Variants in NCL observed in about 807,000 individuals in gnomAD.
NCL encodes the protein nucleolin multifunctional protein.
In NCL, 4 loss-of-function variants were observed where a neutral mutation model predicts 77.7. The ratio of observed to expected loss-of-function variants is 0.05; its 90% confidence interval spans 0.03 to 0.12. NCL has a LOEUF of 0.12. Ranked by LOEUF, NCL falls within the 10% of genes least tolerant of loss-of-function variation. The pLI, the probability that NCL is intolerant of heterozygous loss-of-function variation, is 1.00. For missense variants in NCL, 763 were observed against 860.9 expected (o/e 0.89, Z 1.42); for synonymous variants, 344 against 297.8 (o/e 1.16, Z -1.60).
At position 231,454,846 on chromosome 2, in the gene NCL, C is replaced by CAAAAAAAAAAAAAAAAAAAAAAAAAAAA. The variant is rs201409564; in HGVS notation, c.*344_*345insTTTTTTTTTTTTTTTTTTTTTTTTTTTT. 6.2e-5 allele frequency: 6 copies of CAAAAAAAAAAAAAAAAAAAAAAAAAAAA among 96,324 alleles called. No individual in the cohort carries two copies. The highest frequency in any genetic ancestry group is 1.4e-4 in the Non-Finnish European group (6 of 44,120). The allele number at this position is 96,324 out of a possible 1,614,324, so 6.0% of individuals were successfully genotyped here. A position where few individuals can be genotyped will look rare whatever the true frequency, so the allele number is the denominator to read the frequency against. On this transcript the variant is annotated 3_prime_UTR_variant, in exon 14 of 14. Transcript: ENST00000322723. ...CTTTTCTTTTACAACCCCACGAACGCAAAAAAAAAAAAAACAAAAACAAAA... is the reference window on the plus strand; with the variant it reads ...CTTTTCTTTTACAACCCCACGAACGCAAAAAAAAAAAAAAAAAAAAAAAAAAAAAAAAAAAAAAAAAACAAAAACAAAA...
intron 3 of NCL, 38 bp downstream of exon 3, chr2:231,461,502 T>C (rs1559542424): frequency 1.3e-6 from 2 of 1,597,682 alleles, no homozygotes; most frequent in Non-Finnish European, 8.5e-7. Context: ...AGATACCTTG[T>C]AATCAGAAGC....
chr2:231,462,080 T>G, intron 2 of NCL, 63 bp from the exon 3 acceptor site: 4 of 1,571,092 alleles, frequency 2.5e-6, no homozygotes, highest in Non-Finnish European at 3.5e-6. Context: ...ATAACCATGG[T>G]CCCAATGAGA....
chr2:231,460,186 G>C lies in NCL; in HGVS notation c.1006C>G (p.Leu336Val). Reference protein sequence around the residue: ...GISDVFAKNDLAVVDVRIGMT... With the variant: ...GISDVFAKNDVAVVDVRIGMT... ...CCAATTCTGACATCCACAACAGCAA[G>C]ATCATTTTTAGCAAAAACATCGCTG... Residue 336 changes from leucine (L) to valine (V), a missense_variant, in exon 6 of 14, where the codon CTT becomes GTT. Coordinates refer to ENST00000322723, the MANE Select transcript of NCL (RefSeq NM_005381.3). 6.2e-7 allele frequency: 1 copy of C among 1,613,930 alleles called. No individual in the cohort carries two copies. The highest frequency in any genetic ancestry group is 8.5e-7 in the Non-Finnish European group (1 of 1,180,010).
At position 231,462,132 on chromosome 2, in the gene NCL, C is replaced by G. The variant is rs1225195804; in HGVS notation, c.136-115G>C. On this transcript the variant is annotated intron_variant, in intron 2 of 13. Transcript: ENST00000322723. ...TGCCTCTGGTTCAAGACCACATGCA[C>G]TAGACACATTAGCATGTTAAACTCC... The G allele has an allele frequency of 3.1e-6, 4 of 1,284,222 alleles. No homozygotes were observed. The Admixed American group carries it at 6.7e-5, about 22-fold the overall frequency. The allele number at this position is 1,284,222 out of a possible 1,614,324, so 79.6% of individuals were successfully genotyped here.
Position 231,458,269 on chromosome 2 carries a change from T to C in NCL, c.1286A>G (p.Lys429Arg), listed in dbSNP as rs765572421. Residue 429 changes from lysine (K) to arginine (R), a missense_variant, in exon 8 of 14, where the codon AAA becomes AGA. Physicochemically the swap from Lys to Arg is conservative, Grantham distance 26. Transcript: ENST00000322723. ...CATTTCAATAGACAGAACATACCCT[T>C]TACTTTTCCCATCCTTGCTGACTAA... The part of the protein sequence containing the change: ...IRLVSKDGKS[K>R]GIAYIEFKTE... The C allele has an allele frequency of 8.7e-6, 14 of 1,613,556 alleles. No homozygotes were observed. The African/African-American group carries it at 1.9e-4, about 22-fold the overall frequency.
At chr2:231,456,829 T>C (rs531804651) in intron 10 of NCL, 65 bp from the exon 11 acceptor site, 13 of 1,599,186 alleles carry the variant, frequency 8.1e-6, no homozygotes, top group Admixed American at 5.1e-5. Context: ...TGTCACATGA[T>C]GCTGCCAAGC....
intron 10 of NCL, 34 bp downstream of exon 10, chr2:231,456,967 G>C: frequency 6.2e-7 from 1 of 1,611,388 alleles, no homozygotes; most frequent in Non-Finnish European, 8.5e-7. Flanking sequence ...GACATATATA[G>C]CCTATAACTG....
At position 231,456,711 on chromosome 2, in the gene NCL, G is replaced by C; in HGVS notation, c.1625C>G (p.Ser542Cys). Residue 542 changes from serine to cysteine, a missense_variant, in exon 11 of 14, where the codon TCC (serine) becomes TGC (cysteine). By Grantham distance (112) the Ser-to-Cys change is moderately radical (BLOSUM62 -1). Around this residue, in one of 2 missense-constraint regions of NCL, gnomAD observed 173 missense variants for 290.4 expected, o/e 0.60. Coordinates refer to ENST00000322723, the MANE Select transcript of NCL (RefSeq NM_005381.3). ...SFEDAKEALN[S>C]CNKREIEGRA... ...GCCCTCAATTTCCCTTTTATTACAG[G>C]AATTTAAAGCTTCTTTAGCGTCTTC... is the stretch of plus-strand genomic sequence containing the variant. 1 of 1,614,074 alleles carries C rather than the reference G, an allele frequency of 6.2e-7. No individual in the cohort carries two copies. The highest frequency in any genetic ancestry group is 8.5e-7 in the Non-Finnish European group (1 of 1,180,020).
At position 231,453,968 on chromosome 2, in the gene NCL, T is replaced by C. The variant is rs2046857056; in HGVS notation, c.*1223A>G. On this transcript the variant is annotated 3_prime_UTR_variant, in exon 14 of 14. Coordinates refer to ENST00000322723, the MANE Select transcript of NCL (RefSeq NM_005381.3). ...ATCACAATGTTGATAGTCCCGCCTC[T>C]CACGTGGCCTTGTCTTTTACTAAAA... 6.6e-6 allele frequency: 1 copy of C among 152,246 alleles called. No individual in the cohort carries two copies. The highest frequency in any genetic ancestry group is 2.4e-5 in the African/African-American group (1 of 41,472). The allele number at this position is 152,246 out of a possible 1,614,324, so 9.4% of individuals were successfully genotyped here.
intron 5 of NCL, 79 bp downstream of exon 5, chr2:231,460,399 A>G: frequency 6.3e-7 from 1 of 1,590,390 alleles, no homozygotes; most frequent in Non-Finnish European, 8.6e-7. Flanking sequence ...ATGTAACATC[A>G]GGTTTCAGTA....
At position 231,454,385 on chromosome 2, in the gene NCL, A is replaced by C. The variant is rs907033898; in HGVS notation, c.*806T>G. 6.6e-6 allele frequency: 1 copy of C among 152,274 alleles called. No individual in the cohort carries two copies. Among genetic ancestry groups the C allele is most frequent in the Admixed American group, 6.5e-5 (1 of 15,282 alleles). 9.4% of individuals were successfully genotyped at this position (152,274 alleles called of 1,614,324 possible). A position where few individuals can be genotyped will look rare whatever the true frequency, so the allele number is the denominator to read the frequency against. On this transcript the variant is annotated 3_prime_UTR_variant, in exon 14 of 14. Transcript: ENST00000322723. Reference sequence around the variant, plus strand: ...GGTCTTCAACTCCTGACCTCAGTTGATCTGCCTGCCTCGGCCTCCCCAAGT... The same window carrying C: ...GGTCTTCAACTCCTGACCTCAGTTGCTCTGCCTGCCTCGGCCTCCCCAAGT...
intron 2 of NCL, chr2:231,462,441 C>A: frequency 2.4e-6 from 1 of 421,658 alleles, no homozygotes; most frequent in South Asian, 1.7e-5. Context: ...CAGTGGGTGG[C>A]GGTACCAAGC....
At chr2:231,458,233 T>C (rs371484612) in intron 8 of NCL, 33 bp downstream of exon 8, 92 of 1,593,696 alleles carry the variant, frequency 5.8e-5, no homozygotes, top group Non-Finnish European at 6.1e-5. Context: ...TTAATGTTAA[T>C]AAAACCCTTA....
Position 231,458,911 on chromosome 2 carries a change from A to C in NCL, c.1165+90T>G, listed in dbSNP as rs2125635241. 8.3e-6 allele frequency: 11 copies of C among 1,324,322 alleles called. No individual in the cohort carries two copies. The South Asian group carries it at 2.1e-4, about 25-fold the overall frequency. The allele number at this position is 1,324,322 out of a possible 1,614,324, so 82.0% of individuals were successfully genotyped here. On this transcript the variant is annotated intron_variant, in intron 7 of 13. Transcript: ENST00000322723. The stretch of plus-strand genomic sequence containing the variant: ...AGGAAAAAAATGATTTAAAAAAATA[A>C]GAGGAAACCAAGGGAAATGGGTTAC...
rs1185820675 is a variant in NCL, at chr2:231,457,266, T to C, written c.1448-142A>G. 5 of 1,169,452 alleles carry C rather than the reference T, an allele frequency of 4.3e-6. No homozygotes were observed. In the Admixed American group the frequency reaches 5.7e-5, roughly 13 times the overall value. The allele number at this position is 1,169,452 out of a possible 1,614,324, so 72.4% of individuals were successfully genotyped here. ...ATGACGTAAGCTAAATCCATTTCTG[T>C]TACTCAACATATTAAGTACCTAGTA... On this transcript the variant is annotated intron_variant, in intron 9 of 13. Transcript: ENST00000322723.
rs1320592001 is a variant in NCL at position 231,453,747 on chromosome 2, G to GT, written c.*1443dup. The GT allele has an allele frequency of 6.6e-6, 1 of 152,540 alleles. No individual in the cohort carries two copies. The highest frequency in any genetic ancestry group is 2.4e-5 in the African/African-American group (1 of 41,458). 9.4% of individuals were successfully genotyped at this position (152,540 alleles called of 1,614,324 possible). On this transcript the variant is annotated 3_prime_UTR_variant, in exon 14 of 14. Transcript: ENST00000322723. ...GGACATGGAACAGGGCTGACAAGCA[G>GT]TAGGTGATAAGCCCAAGGATGTTAA...
In NCL at chr2:231,454,964, A is replaced by G. The variant is rs574756492; in HGVS notation, c.*227T>C. 4.4e-6 allele frequency: 2 copies of G among 453,480 alleles called. No individual in the cohort carries two copies. Among genetic ancestry groups the G allele is most frequent in the Admixed American group, 3.6e-5 (1 of 28,012 alleles). The allele number at this position is 453,480 out of a possible 1,614,324, so 28.1% of individuals were successfully genotyped here. ...AACAATATAAATTCAAAACTTACAG[A>G]TAAGGGTTAGCTCTATCACTCAACT... On this transcript the variant is annotated 3_prime_UTR_variant, in exon 14 of 14. Coordinates refer to ENST00000322723, the MANE Select transcript of NCL (RefSeq NM_005381.3).
At position 231,456,690 on chromosome 2, in the gene NCL, T is replaced by G. The variant is rs911844126; in HGVS notation, c.1646A>C (p.Glu549Ala). Reference protein sequence around the residue: ...ALNSCNKREIEGRAIRLELQG... With the variant: ...ALNSCNKREIAGRAIRLELQG... ...CAACTCCAGCCTGATTGCTCTGCCC[T>G]CAATTTCCCTTTTATTACAGGAATT... Residue 549 changes from glutamate (E) to alanine (A), a missense_variant, in exon 11 of 14, where the codon GAG (glutamate) becomes GCG (alanine). Physicochemically the swap from Glu to Ala is moderately radical, Grantham distance 107. Transcript: ENST00000322723. 1 of 1,614,188 alleles carries G rather than the reference T, an allele frequency of 6.2e-7. No individual in the cohort carries two copies. Among genetic ancestry groups the G allele is most frequent in the East Asian group, 2.2e-5 (1 of 44,890 alleles).
Position 231,460,582 on chromosome 2 carries a change from C to A in NCL, c.812-18G>T. On this transcript the variant is annotated intron_variant, in intron 4 of 13. Coordinates refer to ENST00000322723, the MANE Select transcript of NCL (RefSeq NM_005381.3). ...GACAGGCTCTGGACAAGATGTCAAA[C>A]AATGTATCACACATCAGTAGCCACA... 6.2e-7 allele frequency: 1 copy of A among 1,614,192 alleles called. No individual in the cohort carries two copies. The highest frequency in any genetic ancestry group is 8.5e-7 in the Non-Finnish European group (1 of 1,180,032).
Sources: gnomAD v4.1 joint callset for allele counts on GRCh38, gnomAD v4.1.1 for gene constraint, gnomAD v4.1.1 regional missense constraint, MANE v1.5 for transcripts, NCBI Gene and HGNC (gene_info 2026-07-23, HGNC 2026-07-21) for gene names.